The following SGCD variants were observed in gnomAD, a reference collection of about 807,000 sequenced individuals.
SGCD encodes sarcoglycan delta.
A neutral mutation model predicts 36.6 loss-of-function variants in SGCD; 18 were observed. The ratio of observed to expected loss-of-function variants is 0.49; its 90% CI spans 0.34 to 0.73. The LOEUF (loss-of-function observed/expected upper bound fraction) is 0.73. Ranked by LOEUF, SGCD falls within the 30% of genes least tolerant of loss-of-function variation. The pLI is 0.01. For missense variants in SGCD, 387 were observed against 346.7 expected, an observed-to-expected ratio of 1.12 and a Z score of -0.92; for synonymous variants, 133 against 130.6, an observed-to-expected ratio of 1.02 and a Z score of -0.12.
intron 1 of SGCD, among the ~76,000 whole-genome samples, chr5:155,987,541 T>C (rs1272648572): frequency 6.6e-6 from 1 of 152,194 alleles, no homozygotes; most frequent in Admixed American, 6.5e-5. Context: ...ACTGCCTTGC[T>C]TACAATCTCT....
chr5:155,982,706 C>T (rs1758252383), intron 1 of SGCD, among the ~76,000 whole-genome samples: 3 of 152,176 alleles, frequency 2.0e-5, no homozygotes. Flanking sequence ...TTACCGCATG[C>T]CTGAACTCTG....
At position 156,558,125 on chromosome 5, in the gene SGCD, T is replaced by TATATATATATATATATATATA. The variant is rs56304932; in HGVS notation, c.295-31104_295-31103insATATATATATATATATATAAT. ...TATATATATATATATATATATATAT[T>TATATATATATATATATATATA]ATTTAACTCTCTTTTAAAGGCAGTT... On this transcript the variant is annotated intron_variant, in intron 4 of 8. Coordinates refer to ENST00000337851, the MANE Select transcript of SGCD (RefSeq NM_000337.6). Among the ~76,000 whole-genome samples the TATATATATATATATATATATA allele has an allele frequency of 2.7e-3, 289 of 107,702 alleles. 17 individuals carry two copies. Among genetic ancestry groups the TATATATATATATATATATATA allele is most frequent in the Middle Eastern group, 5.0e-3 (1 of 202 alleles). 70.7% of individuals were successfully genotyped at this position (107,702 alleles called of 152,430 possible).
intron 1 of SGCD, among the ~76,000 whole-genome samples, chr5:156,001,815 C>T (rs1318566250): frequency 1.3e-5 from 2 of 152,146 alleles, no homozygotes; most frequent in South Asian, 2.1e-4. Context: ...CGGGCGGAGC[C>T]CCAGTCCTCC....
chr5:155,805,501 A>G, the SGCD span, among the ~76,000 whole-genome samples: 1 of 152,212 alleles, frequency 6.6e-6, no homozygotes. Flanking sequence ...CTGGGATGGA[A>G]TATTTCCTTT....
intron 1 of SGCD, among the ~76,000 whole-genome samples, chr5:156,088,606 C>T (rs957414947): frequency 2.6e-5 from 4 of 151,976 alleles, no homozygotes; most frequent in Non-Finnish European, 5.9e-5. Flanking sequence ...CTCAAGTGAT[C>T]CCCCCACCTC....
intron 3 of SGCD, among the ~76,000 whole-genome samples, chr5:156,211,354 T>A (rs560023196): frequency 1.3e-5 from 2 of 152,218 alleles, no homozygotes; most frequent in East Asian, 3.9e-4. Context: ...AAGCCTGTAA[T>A]CCCAGCACTT....
At chr5:156,602,145 G>A (rs1043858549) in intron 6 of SGCD, among the ~76,000 whole-genome samples, 2 of 150,552 alleles carry the variant, frequency 1.3e-5, no homozygotes, top group Admixed American at 1.3e-4. Context: ...ATAGTTTTCA[G>A]TATAGAGATC....
intron 4 of SGCD, among the ~76,000 whole-genome samples, chr5:156,518,450 A>G (rs1470012703): frequency 6.6e-6 from 1 of 152,208 alleles, no homozygotes; most frequent in African/African-American, 2.4e-5. Flanking sequence ...ATTAACAAAG[A>G]TATTTAGGAC....
chr5:156,701,674 GAGATTTAACA>G (rs1478455856), intron 7 of SGCD, among the ~76,000 whole-genome samples: 4 of 152,314 alleles, frequency 2.6e-5, no homozygotes, highest in East Asian at 1.9e-4. Flanking sequence ...AGCCTCTGAA[GAGATTTAACA>G]AGAGACTCAC....
the SGCD span, among the ~76,000 whole-genome samples, chr5:155,777,360 G>GT: frequency 1.6e-3 from 221 of 139,970 alleles, no homozygotes; most frequent in African/African-American, 3.7e-3. Context: ...TAGTTTTTTT[G>GT]TTTTTTTTTT....
chr5:155,945,645 G>A (rs561221504), intron 1 of SGCD, among the ~76,000 whole-genome samples: 1 of 152,270 alleles, frequency 6.6e-6, no homozygotes, highest in East Asian at 1.9e-4. Flanking sequence ...AAGCATAAGT[G>A]CAGATTGTGT....
At chr5:155,754,684 C>T in the SGCD span, among the ~76,000 whole-genome samples, 9 of 152,242 alleles carry the variant, frequency 5.9e-5, no homozygotes, top group South Asian at 4.1e-4. Context: ...GTTAAGAAAA[C>T]GTCATTGAAG....
chr5:156,736,893 T>C (rs1756398781), intron 7 of SGCD, among the ~76,000 whole-genome samples: 1 of 152,306 alleles, frequency 6.6e-6, no homozygotes, highest in Non-Finnish European at 1.5e-5. Context: ...CTAACCCTAC[T>C]GAGACCAACA....
the SGCD span, among the ~76,000 whole-genome samples, chr5:155,837,216 G>C: frequency 2.0e-5 from 3 of 152,060 alleles, no homozygotes; most frequent in Non-Finnish European, 4.4e-5. Context: ...GGAGTGCAGT[G>C]GCATGATCTC....
chr5:155,932,222 ACT>A (rs1422452002), intron 1 of SGCD, among the ~76,000 whole-genome samples: 1 of 152,014 alleles, frequency 6.6e-6, no homozygotes, highest in Non-Finnish European at 1.5e-5. Flanking sequence ...ACAGCACGAT[ACT>A]CTTTTACTGT....
chr5:156,457,446 A>G (rs1197364604), intron 3 of SGCD, among the ~76,000 whole-genome samples: 1 of 152,226 alleles, frequency 6.6e-6, no homozygotes, highest in African/African-American at 2.4e-5. Context: ...AAAGCACAAA[A>G]CAGTAAGTAT....
chr5:156,584,269 T>C (rs747471213), intron 4 of SGCD, among the ~76,000 whole-genome samples: 81 of 152,342 alleles, frequency 5.3e-4, no homozygotes, highest in Admixed American at 1.7e-3. Context: ...AGGTCTTTCC[T>C]GACCACCCGA....
the SGCD span, among the ~76,000 whole-genome samples, chr5:155,765,277 C>T: frequency 6.4e-5 from 9 of 140,516 alleles, no homozygotes; most frequent in East Asian, 2.1e-4. Context: ...AAGACCCTGT[C>T]GAAAGAAAGA....
intron 1 of SGCD, among the ~76,000 whole-genome samples, chr5:155,909,390 C>T (rs770024977): frequency 5.9e-5 from 9 of 152,106 alleles, no homozygotes; most frequent in Non-Finnish European, 2.9e-5. Context: ...TGGAACACTG[C>T]TGTAAATATC....
Sources: gnomAD v4.1 joint callset for allele counts (sites outside exome capture counted in the v4.1 genomes callset) on GRCh38, gnomAD v4.1.1 for gene constraint, MANE v1.5 for transcripts, NCBI Gene and HGNC (gene_info 2026-07-23, HGNC 2026-07-21) for gene names.